Variants in RBFOX3 observed in about 807,000 individuals in gnomAD.
The protein encoded by RBFOX3 is RNA binding protein fox-1 homolog 3.
In RBFOX3, 17 loss-of-function variants were observed where a neutral mutation model predicts 48.7. The observed-to-expected ratio is 0.35, with a 90% CI of 0.24 to 0.52. The LOEUF is 0.52. Ranked by LOEUF, RBFOX3 falls within the 20% of genes least tolerant of loss-of-function variation. RBFOX3 has a pLI of 0.94. For missense variants in RBFOX3, 382 were observed against 497.5 expected (o/e 0.77, Z 2.21); for synonymous variants, 212 against 209.5 (o/e 1.01, Z -0.10).
chr17:79,452,456 G>A (rs969207122), intron 2 of RBFOX3, among the ~76,000 whole-genome samples: 1 of 152,224 alleles, frequency 6.6e-6, no homozygotes, highest in African/African-American at 2.4e-5. Context: ...GCTCAGACAT[G>A]GACGTGGTTT....
the RBFOX3 span, among the ~76,000 whole-genome samples, chr17:79,662,427 C>T: frequency 6.6e-6 from 1 of 152,108 alleles, no homozygotes; most frequent in South Asian, 2.1e-4. Context: ...CGGCTGCTTC[C>T]TGTTTATTCT....
At chr17:79,372,645 G>A (rs1363502179) in intron 2 of RBFOX3, among the ~76,000 whole-genome samples, 2 of 152,108 alleles carry the variant, frequency 1.3e-5, no homozygotes, top group African/African-American at 4.8e-5. Context: ...GCTCCCCCAT[G>A]TTTCCTGGGG....
intron 4 of RBFOX3, among the ~76,000 whole-genome samples, chr17:79,120,104 C>T (rs1054796802): frequency 4.5e-4 from 69 of 152,278 alleles, no homozygotes; most frequent in Middle Eastern, 3.4e-3. Context: ...GGAGTTCCTG[C>T]TGGGCTATGG....
chr17:79,567,681 A>C (rs1452331689), intron 1 of RBFOX3, among the ~76,000 whole-genome samples: 1 of 152,232 alleles, frequency 6.6e-6, no homozygotes, highest in Non-Finnish European at 1.5e-5. Context: ...GTAAATAAAT[A>C]AACTAGGTGA....
chr17:79,096,455 CCAA>C (rs1217157930), intron 12 of RBFOX3, among the ~76,000 whole-genome samples, 195 bp downstream of exon 12: 1 of 152,164 alleles, frequency 6.6e-6, no homozygotes, highest in Non-Finnish European at 1.5e-5. Flanking sequence ...TTGATGGGTA[CCAA>C]CAACCAAACT....
chr17:79,572,298 A>AC (rs1209408783), intron 1 of RBFOX3, among the ~76,000 whole-genome samples: 1 of 152,068 alleles, frequency 6.6e-6, no homozygotes, highest in Non-Finnish European at 1.5e-5. Context: ...TCGCCCCGCC[A>AC]CCCGGCTTAG....
At chr17:79,095,439 G>T in intron 13 of RBFOX3, 74 bp downstream of exon 13, 1 of 1,382,078 alleles carries the variant, frequency 7.2e-7, no homozygotes. Context: ...TGCCTGTCTG[G>T]GCCCAGCTCC....
At position 79,141,012 on chromosome 17, in the gene RBFOX3, T is replaced by G. The variant is rs142635673; in HGVS notation, c.-33-25264A>C. Reference sequence around the variant, plus strand: ...TGGCTTCGCAGGGATGGTCCTGGGATTTCCTGAGCACTCTCTGGGGACAAA... The same window carrying G: ...TGGCTTCGCAGGGATGGTCCTGGGAGTTCCTGAGCACTCTCTGGGGACAAA... On this transcript the variant is annotated intron_variant, in intron 4 of 14. Transcript: ENST00000693108. 8.5e-5 allele frequency among the ~76,000 whole-genome samples: 13 copies of G among 152,268 alleles called. No homozygotes were observed. In the East Asian group the frequency reaches 2.5e-3, roughly 29 times the overall value.
At chr17:79,358,098 C>T (rs1441593126) in intron 2 of RBFOX3, among the ~76,000 whole-genome samples, 1 of 152,116 alleles carries the variant, frequency 6.6e-6, no homozygotes, top group Non-Finnish European at 1.5e-5. Context: ...AGGCACACAC[C>T]ACCAGCCTAG....
chr17:79,426,915 G>A (rs1294550249), intron 2 of RBFOX3, among the ~76,000 whole-genome samples: 1 of 152,068 alleles, frequency 6.6e-6, no homozygotes, highest in Non-Finnish European at 1.5e-5. Context: ...TGTTGGTCAG[G>A]CTGGTCTCGA....
At position 79,443,006 on chromosome 17, in the gene RBFOX3, C is replaced by A. The variant is rs1253366080; in HGVS notation, c.-175+39448G>T. ...CCAGCAGCTCGGCATTGGTCAGAAGCCTCCACCTGCCTGGAGAACCCCTGG... is the reference window on the plus strand; with the variant it reads ...CCAGCAGCTCGGCATTGGTCAGAAGACTCCACCTGCCTGGAGAACCCCTGG... On this transcript the variant is annotated intron_variant, in intron 2 of 14. Transcript: ENST00000693108. The surrounding 1 kb of genome is among the most constrained non-coding windows in gnomAD (Gnocchi z 4.4). 3.3e-5 allele frequency among the ~76,000 whole-genome samples: 5 copies of A among 152,216 alleles called. No individual in the cohort carries two copies. In the East Asian group the frequency reaches 7.7e-4, roughly 23 times the overall value.
intron 3 of RBFOX3, among the ~76,000 whole-genome samples, chr17:79,264,750 T>C (rs561783371): frequency 6.6e-6 from 1 of 152,196 alleles, no homozygotes; most frequent in South Asian, 2.1e-4. Flanking sequence ...GGGTACAGTC[T>C]CTGTGATTGG....
At chr17:79,121,333 G>C (rs1045461963) in intron 4 of RBFOX3, among the ~76,000 whole-genome samples, 6 of 152,096 alleles carry the variant, frequency 3.9e-5, no homozygotes, top group African/African-American at 1.4e-4. Context: ...ACAGGCTGCA[G>C]TCTCTCCCGT....
At chr17:79,115,946 C>G (rs1294866256) in intron 4 of RBFOX3, among the ~76,000 whole-genome samples, 198 bp from the exon 5 acceptor site, 1 of 152,132 alleles carries the variant, frequency 6.6e-6, no homozygotes, top group Non-Finnish European at 1.5e-5. Flanking sequence ...TGCCGGGGAG[C>G]CTGGCTCTGG....
Position 79,356,348 on chromosome 17 carries a change from G to GTTTTTTTTTTTT in RBFOX3, c.-174-48536_-174-48525dup, listed in dbSNP as rs58040659. Among the ~76,000 whole-genome samples the GTTTTTTTTTTTT allele has an allele frequency of 4.1e-3, 195 of 47,322 alleles. 27 individuals are homozygous for GTTTTTTTTTTTT. Among genetic ancestry groups the GTTTTTTTTTTTT allele is most frequent in the Non-Finnish European group, 5.6e-3 (136 of 24,432 alleles). 31.0% of individuals were successfully genotyped at this position (47,322 alleles called of 152,430 possible). A position where few individuals can be genotyped will look rare whatever the true frequency, so the allele number is the denominator to read the frequency against. On this transcript the variant is annotated intron_variant, in intron 2 of 14. Coordinates refer to ENST00000693108, the MANE Select transcript of RBFOX3 (RefSeq NM_001350451.2). ...ACTTTTTCACTTTTAAAACAGGGAA[G>GTTTTTTTTTTTT]TTTTTTTTTTTTTTTTTTTTTTTTT... is the stretch of plus-strand genomic sequence containing the variant.
At chr17:79,193,906 CCGGG>C (rs2055014085) in intron 4 of RBFOX3, among the ~76,000 whole-genome samples, 1 of 151,416 alleles carries the variant, frequency 6.6e-6, no homozygotes, top group Non-Finnish European at 1.5e-5. Context: ...GGTAGGTGTT[CCGGG>C]CTAGGGGAGC....
intron 2 of RBFOX3, among the ~76,000 whole-genome samples, chr17:79,469,872 G>A (rs2076842121): frequency 6.6e-6 from 1 of 152,174 alleles, no homozygotes; most frequent in African/African-American, 2.4e-5. Context: ...GGGAGAACGT[G>A]CACAAGGGAG....
rs541223661 is a variant in RBFOX3 at position 79,116,366 on chromosome 17, T to C, written c.-33-618A>G. On this transcript the variant is annotated intron_variant, in intron 4 of 14. Coordinates refer to ENST00000693108, the MANE Select transcript of RBFOX3 (RefSeq NM_001350451.2). Reference sequence around the variant, plus strand: ...CCCATCTCTACTAAAAATACAAAAATTAGCGGGATGTGGTGGCACGTGCCT... The same window carrying C: ...CCCATCTCTACTAAAAATACAAAAACTAGCGGGATGTGGTGGCACGTGCCT... 1.3e-4 allele frequency among the ~76,000 whole-genome samples: 20 copies of C among 152,292 alleles called. No homozygotes were observed. In the South Asian group the frequency reaches 3.3e-3, roughly 25 times the overall value.
intron 4 of RBFOX3, among the ~76,000 whole-genome samples, chr17:79,141,881 G>A (rs1009770846): frequency 6.6e-6 from 1 of 152,210 alleles, no homozygotes; most frequent in African/African-American, 2.4e-5. Flanking sequence ...GGCACCCCAA[G>A]GGAGCTCTGG....
Sources: gnomAD v4.1 joint callset for allele counts (sites outside exome capture counted in the v4.1 genomes callset) on GRCh38, gnomAD v4.1.1 for gene constraint, Gnocchi (gnomAD v3.1) non-coding constraint, MANE v1.5 for transcripts, NCBI Gene and HGNC (gene_info 2026-07-23, HGNC 2026-07-21) for gene names.